Variants in ZNF600 observed in about 807,000 individuals in gnomAD.
The protein encoded by ZNF600 is zinc finger protein 600, also known as zinc finger protein KR-ZNF1.
Under a neutral mutation model 7.3 loss-of-function variants are expected in ZNF600, and 4 were observed. The observed-to-expected ratio is 0.55, with a 90% CI of 0.27 to 1.25. The LOEUF (loss-of-function observed/expected upper bound fraction) is 1.25, where lower values mean the gene tolerates loss of function less well. Among genes scored for constraint, ZNF600 ranks in the 50% most tolerant of loss-of-function variants. The probability of loss-of-function intolerance (pLI) is 0.12; values close to 1 mark genes in which losing one functional copy is unlikely to be tolerated. For synonymous variants in ZNF600, 290 were observed against 308.9 expected (o/e 0.94, Z 0.64); for missense variants, 911 against 922.1 (o/e 0.99, Z 0.16).
At chr19:52,783,315 C>T (rs1251037399) in intron 1 of ZNF600, among the ~76,000 whole-genome samples, 6 of 152,190 alleles carry the variant, frequency 3.9e-5, no homozygotes, top group African/African-American at 1.4e-4. Context: ...TCATCTGCAC[C>T]CAGGGTCCCC....
the ZNF600 span, among the ~76,000 whole-genome samples, chr19:52,812,763 A>T: frequency 4.2e-3 from 22 of 5,182 alleles, no homozygotes; most frequent in Non-Finnish European, 6.3e-3. Flanking sequence ...AATGATCAAT[A>T]AAAAAAAAAA....
chr19:52,822,074 C>CTTTTTTTT, the ZNF600 span, among the ~76,000 whole-genome samples: 824 of 78,548 alleles, frequency 0.01, 16 homozygotes, highest in Middle Eastern at 0.027. Context: ...TTCTTTTTCC[C>CTTTTTTTT]TTTTTTTTTT....
the ZNF600 span, among the ~76,000 whole-genome samples, chr19:52,802,601 TG>T: frequency 6.6e-6 from 1 of 151,704 alleles, no homozygotes; most frequent in African/African-American, 2.4e-5. Context: ...CGCTTGAACT[TG>T]GGAGGCAAAG....
chr19:52,786,538 C>T, intron 1 of ZNF600, 57 bp downstream of exon 1: 1 of 164,972 alleles, frequency 6.1e-6, no homozygotes, highest in African/African-American at 2.4e-5. Flanking sequence ...AGACCGGGGA[C>T]GGGACCAGCC....
At chr19:52,768,248 T>G (rs1325769849) in intron 3 of ZNF600, among the ~76,000 whole-genome samples, 1 of 151,824 alleles carries the variant, frequency 6.6e-6, no homozygotes, top group African/African-American at 2.4e-5. Flanking sequence ...AAATTCTGTA[T>G]TTTCAAACAA....
chr19:52,765,951 C>T, exon 4 of ZNF600: 1 of 1,614,198 alleles, frequency 6.2e-7, no homozygotes, highest in Non-Finnish European at 8.5e-7. Flanking sequence ...AGTGTGAATT[C>T]TGGTATGTCT....
the ZNF600 span, among the ~76,000 whole-genome samples, chr19:52,819,974 C>T: frequency 5.7e-3 from 822 of 145,196 alleles, 10 homozygotes; most frequent in Non-Finnish European, 9.2e-3. Context: ...GTAATTCCAG[C>T]ACTTTGGGAG....
upstream of ZNF600, among the ~76,000 whole-genome samples, chr19:52,787,857 C>A: frequency 1.1e-5 from 1 of 94,510 alleles, no homozygotes; most frequent in Non-Finnish European, 2.4e-5. Flanking sequence ...GAGGCTACGT[C>A]TCAAAAAAAA....
At chr19:52,817,930 G>C in the ZNF600 span, 11 of 1,610,326 alleles carry the variant, frequency 6.8e-6, no homozygotes, top group Non-Finnish European at 9.3e-6. Flanking sequence ...AATCCACCGA[G>C]AATACCATCT....
the ZNF600 span, among the ~76,000 whole-genome samples, chr19:52,830,012 G>C: frequency 6.6e-6 from 1 of 152,156 alleles, no homozygotes; most frequent in Non-Finnish European, 1.5e-5. Flanking sequence ...GGTGGCTCAT[G>C]CTTGTAATCC....
intron 2 of ZNF600, among the ~76,000 whole-genome samples, chr19:52,777,345 C>A (rs747534350): frequency 1.4e-4 from 21 of 152,086 alleles, no homozygotes; most frequent in African/African-American, 2.2e-4. Context: ...CCACTGCAAT[C>A]CAACCTGGGC....
At chr19:52,819,376 C>T in the ZNF600 span, among the ~76,000 whole-genome samples, 1 of 139,664 alleles carries the variant, frequency 7.2e-6, no homozygotes, top group East Asian at 2.0e-4. Context: ...GAGTCTACCA[C>T]TCTCTTTCTT....
the ZNF600 span, among the ~76,000 whole-genome samples, chr19:52,809,200 C>T: frequency 2.0e-5 from 3 of 152,146 alleles, no homozygotes; most frequent in South Asian, 2.1e-4. Flanking sequence ...CTAGAAGAAG[C>T]AATCACCCTT....
intron 3 of ZNF600, 66 bp from the exon 6 acceptor site, chr19:52,767,838 A>G (rs938265987): frequency 3.4e-6 from 5 of 1,477,032 alleles, no homozygotes; most frequent in Non-Finnish European, 3.6e-6. Context: ...TGAAGTGTGT[A>G]AATATGACAC....
the ZNF600 span, chr19:52,818,050 T>C: frequency 6.3e-7 from 1 of 1,587,786 alleles, no homozygotes; most frequent in South Asian, 1.1e-5. Context: ...TAAAAATATG[T>C]TGTTTATTGC....
At chr19:52,771,032 C>T (rs1472844675) in intron 3 of ZNF600, among the ~76,000 whole-genome samples, 2 of 152,102 alleles carry the variant, frequency 1.3e-5, no homozygotes, top group East Asian at 1.9e-4. Context: ...ATGGTTTCTC[C>T]ATGTTGGTCA....
At chr19:52,776,480 C>T (rs1472895193) in intron 2 of ZNF600, among the ~76,000 whole-genome samples, 1 of 151,618 alleles carries the variant, frequency 6.6e-6, no homozygotes, top group Non-Finnish European at 1.5e-5. Flanking sequence ...GGCAGAATCT[C>T]AGCTCACTGC....
chr19:52,826,008 A>G, the ZNF600 span, among the ~76,000 whole-genome samples: 1 of 152,132 alleles, frequency 6.6e-6, no homozygotes, highest in Admixed American at 6.5e-5. Context: ...AAATCTCATA[A>G]TGGTGTCTGA....
intron 2 of ZNF600, among the ~76,000 whole-genome samples, chr19:52,775,106 G>A (rs1327331256): frequency 1.2e-4 from 19 of 152,056 alleles, no homozygotes; most frequent in Admixed American, 1.1e-3. Flanking sequence ...CAGGCATGGT[G>A]GCAGGCACCT....
Sources: allele counts gnomAD v4.1 joint callset (sites outside exome capture counted in the v4.1 genomes callset), GRCh38; gene constraint gnomAD v4.1.1; transcripts MANE v1.5; gene names NCBI Gene and HGNC (gene_info 2026-07-23, HGNC 2026-07-21).